Variants in TDP1 observed in about 807,000 individuals in gnomAD.
TDP1 encodes the protein tyrosyl-DNA phosphodiesterase 1.
Under a neutral mutation model 81.5 loss-of-function variants are expected in TDP1, and 64 were observed. The ratio of observed to expected loss-of-function variants is 0.79; its 90% confidence interval spans 0.64 to 0.97. The LOEUF (loss-of-function observed/expected upper bound fraction) is 0.97, where lower values mean the gene tolerates loss of function less well. Ranked by LOEUF, TDP1 falls within the 50% of genes least tolerant of loss-of-function variation. TDP1 has a pLI of 0.00. For missense variants in TDP1, 723 were observed against 743.8 expected (o/e 0.97, Z 0.33); for synonymous variants, 256 against 264.3 (o/e 0.97, Z 0.30).
At chr14:90,041,606 A>C (rs941384510) in intron 16 of TDP1, among the ~76,000 whole-genome samples, 1 of 152,228 alleles carries the variant, frequency 6.6e-6, no homozygotes, top group Admixed American at 6.5e-5. Context: ...GTTGCCCCAG[A>C]GGCGAGTTCG....
At chr14:89,988,416 C>G (rs1255992040) in intron 10 of TDP1, 4 of 190,388 alleles carry the variant, frequency 2.1e-5, no homozygotes, top group African/African-American at 7.1e-5. Context: ...CTGAAGTTGC[C>G]TAGGGTCTGC....
At chr14:90,019,223 AT>A in intron 14 of TDP1, 92 bp from the exon 15 acceptor site, 8 of 1,306,690 alleles carry the variant, frequency 6.1e-6, no homozygotes, top group South Asian at 1.2e-5. Context: ...GCAGCTATAT[AT>A]TTTTTTGACC....
intron 15 of TDP1, among the ~76,000 whole-genome samples, chr14:90,029,614 T>C (rs1160703028): frequency 6.6e-6 from 1 of 151,510 alleles, no homozygotes; most frequent in African/African-American, 2.4e-5. Flanking sequence ...TTCTCCTGTC[T>C]CAGCCTCCCA....
chr14:90,029,553 C>T (rs1887044742), intron 15 of TDP1, among the ~76,000 whole-genome samples: 2 of 139,776 alleles, frequency 1.4e-5, no homozygotes, highest in Admixed American at 1.5e-4. Context: ...GGCTGGAGTA[C>T]AGTGGCTCGA....
chr14:89,992,055 T>G (rs1896243478), intron 13 of TDP1, 72 bp downstream of exon 13: 4 of 1,265,114 alleles, frequency 3.2e-6, no homozygotes, highest in African/African-American at 6.2e-5. Flanking sequence ...ACTGGTTTGT[T>G]TTTTTTTTTA....
At chr14:89,993,733 T>A (rs1896422919) in intron 14 of TDP1, among the ~76,000 whole-genome samples, 1 of 152,244 alleles carries the variant, frequency 6.6e-6, no homozygotes, top group Admixed American at 6.5e-5. Flanking sequence ...TTTACTTCTG[T>A]TATTTAATAC....
intron 15 of TDP1, among the ~76,000 whole-genome samples, chr14:90,023,471 C>T (rs539049592): frequency 7.9e-5 from 12 of 152,264 alleles, no homozygotes; most frequent in East Asian, 1.9e-4. Flanking sequence ...GTTTTTTAAG[C>T]AGGGCTAGTG....
In TDP1 at chr14:89,993,429, CAT is replaced by C; in HGVS notation, c.1492_1493del (p.Met498GlufsTer8). On this transcript the variant is annotated frameshift_variant, in exon 14 of 17. Coordinates refer to ENST00000335725, the MANE Select transcript of TDP1 (RefSeq NM_018319.4). LOFTEE classifies it high-confidence loss of function. The stretch of plus-strand genomic sequence containing the variant: ...AGCAATGCCATGCCACATATTAAGA[CAT>C]ATATGAGGCCTTCTCCAGACTTCAG... 1.9e-6 allele frequency: 3 copies of C among 1,613,844 alleles called. No individual in the cohort carries two copies. The highest frequency in any genetic ancestry group is 1.1e-5 in the South Asian group (1 of 91,072).
At chr14:90,001,361 A>G (rs1339438578) in intron 14 of TDP1, among the ~76,000 whole-genome samples, 1 of 152,214 alleles carries the variant, frequency 6.6e-6, no homozygotes, top group Non-Finnish European at 1.5e-5. Flanking sequence ...ACGTTTTAGT[A>G]TATGGTTGCC....
chr14:89,971,377 C>T (rs1310845032), intron 6 of TDP1, 106 bp downstream of exon 6: 3 of 813,846 alleles, frequency 3.7e-6, no homozygotes, highest in East Asian at 5.4e-5. Context: ...TCTCCAGCAT[C>T]AGTCATCAAT....
intron 10 of TDP1, chr14:89,986,993 T>C (rs1895643075): frequency 6.6e-6 from 1 of 152,408 alleles, no homozygotes; most frequent in East Asian, 1.9e-4. Flanking sequence ...CAGCTTTGCA[T>C]AATTATCAAA....
chr14:90,041,174 G>A (rs1390669246), intron 16 of TDP1, among the ~76,000 whole-genome samples: 5 of 152,218 alleles, frequency 3.3e-5, no homozygotes, highest in East Asian at 1.9e-4. Context: ...TACAGGAAAC[G>A]ATGGGTAAAT....
In TDP1 at chr14:89,966,999, T is replaced by A. The variant is rs1019266835; in HGVS notation, c.604-368T>A. ...GGGATCTTTGTCTCCAGTATCTGTC[T>A]TTTTATAATCACCTAGGGGAAAAGG... On this transcript the variant is annotated intron_variant, in intron 4 of 16. Transcript: ENST00000335725. The A allele has an allele frequency of 5.1e-6, 5 of 985,080 alleles. No individual in the cohort carries two copies. In the Admixed American group the frequency reaches 1.8e-4, roughly 36 times the overall value. The allele number at this position is 985,080 out of a possible 1,614,324, so 61.0% of individuals were successfully genotyped here.
At chr14:89,982,841 A>C (rs928230777) in intron 8 of TDP1, among the ~76,000 whole-genome samples, 13 of 152,028 alleles carry the variant, frequency 8.6e-5, no homozygotes, top group African/African-American at 2.9e-4. Flanking sequence ...ATTTGTGGTA[A>C]TTTTAAAACT....
intron 14 of TDP1, among the ~76,000 whole-genome samples, chr14:89,996,571 C>A (rs188577273): frequency 1.3e-5 from 2 of 152,324 alleles, no homozygotes; most frequent in East Asian, 3.9e-4. Flanking sequence ...GCTCCTACCT[C>A]ACTATTTTGT....
intron 15 of TDP1, among the ~76,000 whole-genome samples, chr14:90,023,389 C>G (rs1192768517): frequency 6.6e-6 from 1 of 152,142 alleles, no homozygotes; most frequent in African/African-American, 2.4e-5. Context: ...GCTTGGAATT[C>G]CAATCTGAAG....
In TDP1 at chr14:89,998,370, CATTATATATATATATATATATA is replaced by C. The variant is rs1443794165; in HGVS notation, c.1541+4888_1541+4909del. Among the ~76,000 whole-genome samples, 35 of 98,290 alleles carry C rather than the reference CATTATATATATATATATATATA, an allele frequency of 3.6e-4. 1 individual carries two copies. Among genetic ancestry groups the C allele is most frequent in the South Asian group, 9.7e-4 (3 of 3,080 alleles). 64.5% of individuals were successfully genotyped at this position (98,290 alleles called of 152,430 possible). ...GCAGTTCCAGGCACAGTTCCAAGCA[CATTATATATATATATATATATA>C]TATATATATATATATATATATATAT... On this transcript the variant is annotated intron_variant, in intron 14 of 16. Transcript: ENST00000335725.
intron 15 of TDP1, among the ~76,000 whole-genome samples, chr14:90,029,204 T>A (rs1886986057): frequency 1.3e-5 from 2 of 150,180 alleles, no homozygotes. Flanking sequence ...ATTTTTTTTT[T>A]TTTTTTTTTT....
At position 89,991,160 on chromosome 14, in the gene TDP1, CAG is replaced by C. The variant is rs561838787; in HGVS notation, c.1367-754_1367-753del. Among the ~76,000 whole-genome samples the C allele has an allele frequency of 5.0e-3, 757 of 152,264 alleles. 5 individuals are homozygous for C. Among genetic ancestry groups the C allele is most frequent in the African/African-American group, 0.018 (731 of 41,544 alleles). On this transcript the variant is annotated intron_variant, in intron 12 of 16. Coordinates refer to ENST00000335725, the MANE Select transcript of TDP1 (RefSeq NM_018319.4). Reference sequence around the variant, plus strand: ...CCAAGTCCCACGGTCTTGGGCAAAACAGAGGCTGTCCAGCTGTGTCTTATTTG... The same window carrying C: ...CCAAGTCCCACGGTCTTGGGCAAAACAGGCTGTCCAGCTGTGTCTTATTTG...
Sources: gnomAD v4.1 joint callset for allele counts (sites outside exome capture counted in the v4.1 genomes callset) on GRCh38, gnomAD v4.1.1 for gene constraint, MANE v1.5 for transcripts, NCBI Gene and HGNC (gene_info 2026-07-23, HGNC 2026-07-21) for gene names.